PTPRR: variants seen among roughly 807,000 people sequenced by gnomAD.
PTPRR encodes protein tyrosine phosphatase receptor type R, also known as receptor-type tyrosine-protein phosphatase R.
A neutral mutation model predicts 77.2 loss-of-function variants in PTPRR; 38 were observed. The ratio of observed to expected loss-of-function variants is 0.49; its 90% CI spans 0.38 to 0.65. PTPRR has a LOEUF of 0.65. PTPRR is among the 30% of genes least tolerant of loss of function. The pLI, the probability that PTPRR is intolerant of heterozygous loss-of-function variation, is 0.00. For missense variants in PTPRR, 744 were observed against 799.2 expected (o/e 0.93, Z 0.83); for synonymous variants, 299 against 283.1 (o/e 1.06, Z -0.57).
At chr12:70,901,396 G>A (rs1893531972) in intron 1 of PTPRR, among the ~76,000 whole-genome samples, 1 of 151,632 alleles carries the variant, frequency 6.6e-6, no homozygotes, top group Non-Finnish European at 1.5e-5. Flanking sequence ...GCATGGTACT[G>A]CTATAAAAAT....
At chr12:70,765,880 C>T (rs148100104) in intron 2 of PTPRR, among the ~76,000 whole-genome samples, 1,617 of 152,296 alleles carry the variant, frequency 0.011, 29 homozygotes, top group African/African-American at 0.036. Context: ...CTGCAGCCAC[C>T]GCTGCTATTA....
At chr12:70,682,034 CTTTTTTTTTTTTTTT>C (rs578204454) in intron 10 of PTPRR, among the ~76,000 whole-genome samples, 1 of 62,690 alleles carries the variant, frequency 1.6e-5, no homozygotes, top group Non-Finnish European at 2.8e-5. Flanking sequence ...TTGTTGTTCA[CTTTTTTTTTTTTTTT>C]TTTTTTTTTT....
chr12:70,914,327 A>G (rs1893743281), intron 1 of PTPRR, among the ~76,000 whole-genome samples: 1 of 152,232 alleles, frequency 6.6e-6, no homozygotes, highest in Admixed American at 6.5e-5. Flanking sequence ...TAGCTGTATT[A>G]AAGAATTTTT....
At chr12:70,914,774 G>T (rs1893750286) in intron 1 of PTPRR, among the ~76,000 whole-genome samples, 1 of 152,132 alleles carries the variant, frequency 6.6e-6, no homozygotes, top group South Asian at 2.1e-4. Context: ...AGGGAGCCAT[G>T]ATTGCACCAC....
At chr12:70,909,751 A>G (rs1350676282) in intron 1 of PTPRR, among the ~76,000 whole-genome samples, 1 of 152,210 alleles carries the variant, frequency 6.6e-6, no homozygotes, top group African/African-American at 2.4e-5. Context: ...TTGTGGATTC[A>G]TATAGTCTGT....
intron 2 of PTPRR, among the ~76,000 whole-genome samples, chr12:70,773,053 T>C (rs539440886): frequency 1.3e-5 from 2 of 152,216 alleles, no homozygotes; most frequent in South Asian, 2.1e-4. Context: ...ATTACAGATA[T>C]ATTACTCTAA....
intron 2 of PTPRR, among the ~76,000 whole-genome samples, chr12:70,786,940 G>A (rs1233336997): frequency 6.6e-6 from 1 of 152,142 alleles, no homozygotes; most frequent in East Asian, 1.9e-4. Flanking sequence ...GGCAGAGTGT[G>A]GAATAAGTTT....
At chr12:70,810,496 G>C (rs1433504735) in intron 2 of PTPRR, among the ~76,000 whole-genome samples, 2 of 152,130 alleles carry the variant, frequency 1.3e-5, no homozygotes, top group Admixed American at 6.6e-5. Context: ...CTCTTTGAGA[G>C]TCATCACTTA....
At chr12:70,799,538 T>C (rs2137018373) in intron 2 of PTPRR, among the ~76,000 whole-genome samples, 1 of 152,326 alleles carries the variant, frequency 6.6e-6, no homozygotes, top group Non-Finnish European at 1.5e-5. Flanking sequence ...ATATTTGTCA[T>C]TAAAGATGTT....
intron 11 of PTPRR, among the ~76,000 whole-genome samples, chr12:70,662,094 C>T (rs747895043): frequency 2.0e-4 from 31 of 152,264 alleles, no homozygotes; most frequent in South Asian, 6.2e-4. Context: ...CCCACTGCCA[C>T]CCACAAATGC....
chr12:70,912,961 G>A (rs1893721681), intron 1 of PTPRR, among the ~76,000 whole-genome samples: 1 of 152,106 alleles, frequency 6.6e-6, no homozygotes. Context: ...CATGGGCCAA[G>A]TAGAATCTTT....
intron 2 of PTPRR, among the ~76,000 whole-genome samples, chr12:70,857,792 A>G (rs894784753): frequency 6.6e-6 from 1 of 152,156 alleles, no homozygotes; most frequent in African/African-American, 2.4e-5. Context: ...GAATATATGC[A>G]TAACTTAGAA....
At chr12:70,784,541 A>G (rs561064196) in intron 2 of PTPRR, among the ~76,000 whole-genome samples, 175 of 152,300 alleles carry the variant, frequency 1.1e-3, no homozygotes, top group African/African-American at 4.0e-3. Flanking sequence ...GGCGGTGCCC[A>G]GGGCAGCAGG....
chr12:70,913,992 T>A (rs1338467513), intron 1 of PTPRR, among the ~76,000 whole-genome samples: 1 of 152,096 alleles, frequency 6.6e-6, no homozygotes, highest in Non-Finnish European at 1.5e-5. Context: ...GTTAAGTACA[T>A]TGACAGGGGA....
chr12:70,640,131 A>G (rs759394328), intron 13 of PTPRR, among the ~76,000 whole-genome samples: 66 of 152,276 alleles, frequency 4.3e-4, no homozygotes, highest in Middle Eastern at 3.4e-3. Context: ...TTTTATATAC[A>G]TAATACCTAT....
chr12:70,795,527 T>C (rs1156929732), intron 2 of PTPRR, among the ~76,000 whole-genome samples: 1 of 152,204 alleles, frequency 6.6e-6, no homozygotes, highest in Non-Finnish European at 1.5e-5. Context: ...GTATATTATT[T>C]TTGACTTTTT....
At chr12:70,733,247 G>C (rs1175059327) in intron 6 of PTPRR, among the ~76,000 whole-genome samples, 1 of 151,884 alleles carries the variant, frequency 6.6e-6, no homozygotes, top group African/African-American at 2.4e-5. Context: ...ATGATTGGAT[G>C]CCAAGCATTG....
rs185435422 is a variant in PTPRR at position 70,824,798 on chromosome 12, T to G, written c.358-60020A>C. Among the ~76,000 whole-genome samples, 134 of 152,254 alleles carry G rather than the reference T, an allele frequency of 8.8e-4. No individual in the cohort carries two copies. The Middle Eastern group carries it at 0.01, about 12-fold the overall frequency. On this transcript the variant is annotated intron_variant, in intron 2 of 13. Coordinates refer to ENST00000283228, the MANE Select transcript of PTPRR (RefSeq NM_002849.4). ...GAGTAAAGATGAAAAAAATCACCAT[T>G]CCTTCGGGACTAAACAAAGCTGACT...
At chr12:70,918,626 C>T (rs1473877090) in intron 1 of PTPRR, among the ~76,000 whole-genome samples, 1 of 152,176 alleles carries the variant, frequency 6.6e-6, no homozygotes, top group Non-Finnish European at 1.5e-5. Flanking sequence ...TTTTCACATG[C>T]TTCAGTTTAT....
Sources: allele counts gnomAD v4.1 joint callset (sites outside exome capture counted in the v4.1 genomes callset), GRCh38; gene constraint gnomAD v4.1.1; transcripts MANE v1.5; gene names NCBI Gene and HGNC (gene_info 2026-07-23, HGNC 2026-07-21).